The following MEGF11 variants were observed in gnomAD, a reference collection of about 807,000 sequenced individuals.
MEGF11 encodes multiple EGF like domains 11.
MEGF11 carries 126 observed loss-of-function variants against 146.6 expected under a neutral mutation model. The observed-to-expected ratio is 0.86, with a 90% CI of 0.74 to 1.00. The LOEUF (loss-of-function observed/expected upper bound fraction) is 1.00, where lower values mean the gene tolerates loss of function less well. Ranked by LOEUF, MEGF11 falls within the 50% of genes least tolerant of loss-of-function variation. MEGF11 has a pLI of 0.00. For synonymous variants in MEGF11, 532 were observed against 583.4 expected, an observed-to-expected ratio of 0.91 and a Z score of 1.27; for missense variants, 1,509 against 1,521.2, an observed-to-expected ratio of 0.99 and a Z score of 0.13.
intron 7 of MEGF11, among the ~76,000 whole-genome samples, chr15:65,977,037 CG>C (rs1349804320): frequency 6.6e-6 from 1 of 151,856 alleles, no homozygotes; most frequent in Non-Finnish European, 1.5e-5. Flanking sequence ...GGCGTGATGG[CG>C]GGTGCCTGTA....
At chr15:66,097,880 C>T (rs1384811292) in intron 4 of MEGF11, among the ~76,000 whole-genome samples, 1 of 152,106 alleles carries the variant, frequency 6.6e-6, no homozygotes. Flanking sequence ...TGAGTAAGAT[C>T]CAGCAGCAGA....
At chr15:66,168,232 T>C (rs2090152866) in intron 1 of MEGF11, among the ~76,000 whole-genome samples, 1 of 152,016 alleles carries the variant, frequency 6.6e-6, no homozygotes, top group South Asian at 2.1e-4. Flanking sequence ...CCTTTGCACA[T>C]GCACTTCCCT....
At chr15:66,002,926 G>C (rs1231130204) in intron 5 of MEGF11, among the ~76,000 whole-genome samples, 1 of 152,108 alleles carries the variant, frequency 6.6e-6, no homozygotes, top group Non-Finnish European at 1.5e-5. Context: ...AAGGTCACAG[G>C]ATGAACCAGG....
chr15:65,999,530 G>T (rs1223652890), intron 5 of MEGF11, among the ~76,000 whole-genome samples: 1 of 152,102 alleles, frequency 6.6e-6, no homozygotes, highest in Non-Finnish European at 1.5e-5. Flanking sequence ...AGGCCCCTGA[G>T]CTTTGGAATC....
chr15:66,109,281 A>G (rs546709958), intron 4 of MEGF11, among the ~76,000 whole-genome samples: 46 of 152,172 alleles, frequency 3.0e-4, no homozygotes, highest in African/African-American at 1.0e-3. Flanking sequence ...CCACTCCCTG[A>G]TACCACCTCA....
intron 1 of MEGF11, among the ~76,000 whole-genome samples, chr15:66,170,015 A>G (rs201288388): frequency 2.1e-4 from 3 of 14,450 alleles, no homozygotes; most frequent in African/African-American, 2.4e-4. Flanking sequence ...CCGTCTGCCG[A>G]AAAAAAAAAA....
Position 65,982,319 on chromosome 15 carries a change from C to T in MEGF11, c.564G>A (p.Pro188=), listed in dbSNP as rs994734148. Residue 188 remains proline (P), a synonymous_variant, in exon 6 of 26, where the codon CCG becomes CCA. Coordinates refer to ENST00000395614, the MANE Select transcript of MEGF11 (RefSeq NM_001385028.1). The surrounding 1 kb of genome is among the most constrained non-coding windows in gnomAD (Gnocchi z 5.6). ...AGCTGGCACCGTGTCGGCACTGGCACGGCAGCTGGCATCCCTTGCCGTGGG... is the reference window on the plus strand; with the variant it reads ...AGCTGGCACCGTGTCGGCACTGGCATGGCAGCTGGCATCCCTTGCCGTGGG... ...PGTHGKGCQL[P]CQCRHGASCD... 24 of 1,530,968 alleles carry T rather than the reference C, an allele frequency of 1.6e-5. No homozygotes were observed. Among genetic ancestry groups the T allele is most frequent in the Middle Eastern group, 3.8e-4 (2 of 5,298 alleles). 94.8% of individuals were successfully genotyped at this position (1,530,968 alleles called of 1,614,324 possible).
intron 14 of MEGF11, 37 bp downstream of exon 14, chr15:65,922,786 C>T (rs2141258989): frequency 6.2e-7 from 1 of 1,608,350 alleles, no homozygotes; most frequent in Non-Finnish European, 8.5e-7. Context: ...GGAGGATTAG[C>T]CCTCTGAGCT....
chr15:66,115,314 A>C (rs1219687578), intron 4 of MEGF11, among the ~76,000 whole-genome samples: 1 of 152,140 alleles, frequency 6.6e-6, no homozygotes, highest in Non-Finnish European at 1.5e-5. Flanking sequence ...CCAGGCTCAC[A>C]AGTCTCCCAT....
intron 5 of MEGF11, among the ~76,000 whole-genome samples, chr15:66,068,357 G>A (rs1347848589): frequency 4.6e-5 from 7 of 152,286 alleles, no homozygotes; most frequent in Non-Finnish European, 7.4e-5. Context: ...TGTCCTGCAC[G>A]CTGTAGGATG....
intron 1 of MEGF11, among the ~76,000 whole-genome samples, chr15:66,142,688 C>T (rs946789846): frequency 3.9e-4 from 60 of 152,228 alleles, no homozygotes; most frequent in African/African-American, 1.3e-3. Context: ...CCAGGAGAAA[C>T]AGGCCGGGGA....
intron 1 of MEGF11, among the ~76,000 whole-genome samples, chr15:66,208,072 G>A (rs1175945075): frequency 6.7e-6 from 1 of 149,626 alleles, no homozygotes; most frequent in Non-Finnish European, 1.5e-5. Context: ...GCAACAGAGT[G>A]AGACTGTGCC....
chr15:65,991,456 A>G (rs528152027), intron 5 of MEGF11, among the ~76,000 whole-genome samples: 22 of 152,212 alleles, frequency 1.4e-4, no homozygotes, highest in Non-Finnish European at 1.3e-4. Flanking sequence ...TCTCAACCTC[A>G]GCACATTTTG....
intron 4 of MEGF11, among the ~76,000 whole-genome samples, chr15:66,103,311 G>A (rs2086908799): frequency 6.6e-6 from 1 of 152,224 alleles, no homozygotes; most frequent in Non-Finnish European, 1.5e-5. Context: ...GTTATTATGA[G>A]CGTGAAAATG....
At chr15:65,985,360 G>A (rs867896005) in intron 5 of MEGF11, among the ~76,000 whole-genome samples, 3 of 152,130 alleles carry the variant, frequency 2.0e-5, no homozygotes, top group Non-Finnish European at 4.4e-5. Context: ...TGGCAGCCAC[G>A]AAGCACAGAT....
intron 5 of MEGF11, among the ~76,000 whole-genome samples, chr15:66,008,411 G>GCGCACACACACACACA (rs1188469509): frequency 3.8e-5 from 2 of 52,058 alleles, no homozygotes; most frequent in African/African-American, 9.7e-5. Flanking sequence ...ACGCGCGCGC[G>GCGCACACACACACACA]CACACACACA....
rs2081687361 is a variant in MEGF11 at position 65,982,477 on chromosome 15, C to T, written c.406G>A (p.Asp136Asn). The part of the protein sequence containing the change: ...GPDCSSGCDS[D>N]HWGPHCSNRC... ...TTGCTGCAGTGGGGCCCCCAGTGGT[C>T]GCTGTCGCAGCCTGCAAGAGACGGG... Residue 136 changes from aspartate (D) to asparagine (N), a missense_variant, in exon 6 of 26, where the codon GAC becomes AAC. Asp to Asn is a conservative substitution (Grantham distance 23). Transcript: ENST00000395614. The surrounding 1 kb of genome is among the most constrained non-coding windows in gnomAD (Gnocchi z 5.6). The T allele has an allele frequency of 1.4e-6, 2 of 1,477,698 alleles. No individual in the cohort carries two copies. Among genetic ancestry groups the T allele is most frequent in the Non-Finnish European group, 1.8e-6 (2 of 1,113,734 alleles). The allele number at this position is 1,477,698 out of a possible 1,614,324, so 91.5% of individuals were successfully genotyped here.
chr15:66,185,050 G>A (rs2090658908), intron 1 of MEGF11, among the ~76,000 whole-genome samples: 1 of 152,084 alleles, frequency 6.6e-6, no homozygotes, highest in East Asian at 1.9e-4. Flanking sequence ...GAAGGCCACC[G>A]GGTCTGTTCT....
At chr15:66,057,167 C>T (rs989488957) in intron 5 of MEGF11, among the ~76,000 whole-genome samples, 4 of 152,256 alleles carry the variant, frequency 2.6e-5, no homozygotes, top group South Asian at 2.1e-4. Context: ...TTCCCATTCC[C>T]CCAACTCCCT....
Sources: gnomAD v4.1 joint callset for allele counts (sites outside exome capture counted in the v4.1 genomes callset) on GRCh38, gnomAD v4.1.1 for gene constraint, Gnocchi (gnomAD v3.1) non-coding constraint, MANE v1.5 for transcripts, NCBI Gene and HGNC (gene_info 2026-07-23, HGNC 2026-07-21) for gene names.